Variants in ARFGEF1 observed in about 807,000 individuals in gnomAD.
ARFGEF1 encodes ARF guanine nucleotide exchange factor 1.
A neutral mutation model predicts 231.0 loss-of-function variants in ARFGEF1; 42 were observed. That is an observed-to-expected ratio of 0.18 (90% CI 0.14 to 0.24). ARFGEF1 has a LOEUF of 0.24. Among genes scored for constraint, ARFGEF1 ranks in the 10% least tolerant of loss-of-function variants. The pLI is 1.00. For synonymous variants in ARFGEF1, 710 were observed against 732.3 expected (o/e 0.97, Z 0.49); for missense variants, 1,345 against 2,192.0 (o/e 0.61, Z 7.72).
chr8:67,181,909 G>A (rs140482703), intron 5 of ARFGEF1, among the ~76,000 whole-genome samples: 1 of 152,296 alleles, frequency 6.6e-6, no homozygotes, highest in Admixed American at 6.5e-5. Flanking sequence ...CCTCATGTAA[G>A]TGGAATCATA....
At chr8:67,327,193 GTA>G (rs1230006245) in intron 1 of ARFGEF1, among the ~76,000 whole-genome samples, 1 of 152,008 alleles carries the variant, frequency 6.6e-6, no homozygotes, top group Admixed American at 6.6e-5. Context: ...ATACTTGTGT[GTA>G]TGTTTTCTTT....
chr8:67,287,145 T>G (rs1805793330), intron 7 of ARFGEF1, among the ~76,000 whole-genome samples: 1 of 152,176 alleles, frequency 6.6e-6, no homozygotes, highest in Non-Finnish European at 1.5e-5. Flanking sequence ...TTGGGAGGGA[T>G]CCCACTATTC....
intron 37 of ARFGEF1, 95 bp from the exon 38 acceptor site, chr8:67,200,608 GAACTA>G: frequency 1.3e-6 from 1 of 749,636 alleles, no homozygotes; most frequent in Non-Finnish European, 2.3e-6. Flanking sequence ...TAGTGAATAT[GAACTA>G]TTCAAGAACA....
At chr8:67,264,964 T>C (rs60490300) in intron 14 of ARFGEF1, among the ~76,000 whole-genome samples, 4,339 of 152,284 alleles carry the variant, frequency 0.028, 223 homozygotes, top group African/African-American at 0.098. Context: ...GTACCAAATA[T>C]GTGTTTACTG....
At chr8:67,292,291 G>A (rs1806042130) in intron 5 of ARFGEF1, among the ~76,000 whole-genome samples, 168 bp from the exon 6 acceptor site, 1 of 152,124 alleles carries the variant, frequency 6.6e-6, no homozygotes, top group African/African-American at 2.4e-5. Context: ...AATGAACAAT[G>A]TTTACTTCTT....
In ARFGEF1 at chr8:67,277,431, C is replaced by T. The variant is rs1805358401; in HGVS notation, c.1054G>A (p.Ala352Thr). 2 of 1,613,478 alleles carry T rather than the reference C, an allele frequency of 1.2e-6. No homozygotes were observed. The highest frequency in any genetic ancestry group is 1.7e-5 in the Admixed American group (1 of 59,994). Residue 352 changes from alanine (A) to threonine (T), a missense_variant, in exon 8 of 39, where the codon GCA (alanine) becomes ACA (threonine). Ala to Thr is a moderately conservative substitution (Grantham distance 58, BLOSUM62 0). This residue lies in a region of ARFGEF1 where 398 missense variants were observed against 463.2 expected (regional missense o/e 0.86). Transcript: ENST00000262215. ...GDMGEGTTIN[A>T]SADGNIGTIE... is the part of the protein sequence containing the mutation. ...GTTCCAATGTTGCCATCTGCACTTG[C>T]ATTTATAGTAGTCCCTTCTCCCATA...
intron 9 of ARFGEF1, 127 bp downstream of exon 9, chr8:67,275,849 C>T: frequency 8.6e-7 from 1 of 1,166,778 alleles, no homozygotes; most frequent in Non-Finnish European, 1.2e-6. Context: ...AAATACCTCC[C>T]CTCCACCCAA....
intron 14 of ARFGEF1, among the ~76,000 whole-genome samples, chr8:67,265,028 G>C (rs889992322): frequency 6.6e-6 from 1 of 152,160 alleles, no homozygotes; most frequent in African/African-American, 2.4e-5. Flanking sequence ...TAGACCAAGA[G>C]CCTCTCAGAA....
chr8:67,242,632 C>T (rs2128880061), intron 19 of ARFGEF1, among the ~76,000 whole-genome samples: 1 of 152,348 alleles, frequency 6.6e-6, no homozygotes, highest in African/African-American at 2.4e-5. Context: ...ACTCCTTCTT[C>T]TTGCAGAGGA....
chr8:67,198,412 C>T lies in ARFGEF1; in HGVS notation c.*522G>A. The T allele has an allele frequency of 1.0e-6, 1 of 985,850 alleles. No homozygotes were observed. The highest frequency in any genetic ancestry group is 1.2e-6 in the Non-Finnish European group (1 of 829,934). The allele number at this position is 985,850 out of a possible 1,614,324, so 61.1% of individuals were successfully genotyped here. The stretch of plus-strand genomic sequence containing the variant: ...CAGACCTGCATCTCTGTACATTTTT[C>T]ACAGGATGATTACCAGTATCTCAGA... On this transcript the variant is annotated 3_prime_UTR_variant, in exon 39 of 39. Transcript: ENST00000262215.
At chr8:67,274,706 T>C (rs558147180) in intron 9 of ARFGEF1, among the ~76,000 whole-genome samples, 2 of 152,240 alleles carry the variant, frequency 1.3e-5, no homozygotes, top group African/African-American at 4.8e-5. Context: ...TTTTTACATT[T>C]GATTTGGAAA....
At chr8:67,192,496 TTAA>T (rs1836645990) in intron 5 of ARFGEF1, among the ~76,000 whole-genome samples, 1 of 152,244 alleles carries the variant, frequency 6.6e-6, no homozygotes, top group African/African-American at 2.4e-5. Context: ...CTGTATCTTT[TTAA>T]CTTTCTTGAT....
intron 33 of ARFGEF1, among the ~76,000 whole-genome samples, chr8:67,215,385 A>G (rs1838891366): frequency 6.6e-6 from 1 of 152,178 alleles, no homozygotes; most frequent in Non-Finnish European, 1.5e-5. Flanking sequence ...CCATAGTGGC[A>G]TGAATATTGT....
chr8:67,271,990 T>A, intron 9 of ARFGEF1, 54 bp from the exon 10 acceptor site: 1 of 1,098,534 alleles, frequency 9.1e-7, no homozygotes, highest in Non-Finnish European at 1.3e-6. Flanking sequence ...ATTATAGTAA[T>A]AACAGGTTGT....
chr8:67,288,129 T>C (rs1389947310), intron 6 of ARFGEF1, 64 bp from the exon 7 acceptor site: 2 of 1,068,154 alleles, frequency 1.9e-6, no homozygotes, highest in Admixed American at 2.5e-5. Context: ...TTACTAAACA[T>C]TTATGATGAA....
intron 9 of ARFGEF1, 34 bp from the exon 10 acceptor site, chr8:67,271,970 C>T: frequency 7.3e-7 from 1 of 1,365,524 alleles, no homozygotes; most frequent in East Asian, 2.3e-5. Context: ...AGTATATGAA[C>T]AAGGTTGGCA....
At chr8:67,297,496 T>C (rs1806287968) in intron 4 of ARFGEF1, among the ~76,000 whole-genome samples, 1 of 152,158 alleles carries the variant, frequency 6.6e-6, no homozygotes, top group Non-Finnish European at 1.5e-5. Context: ...GGGAGGATCA[T>C]TTGAGTCAGG....
At chr8:67,266,249 G>GAA in intron 13 of ARFGEF1, 42 bp from the exon 14 acceptor site, 13 of 1,379,088 alleles carry the variant, frequency 9.4e-6, no homozygotes, top group Admixed American at 4.7e-5. Flanking sequence ...TTCTATCAAA[G>GAA]AAAAAAAAAA....
intron 34 of ARFGEF1, among the ~76,000 whole-genome samples, chr8:67,209,071 A>G (rs1447622094): frequency 2.0e-5 from 3 of 152,262 alleles, no homozygotes; most frequent in African/African-American, 7.2e-5. Flanking sequence ...CCTATGAGCT[A>G]GCAATTCCAC....
Sources: gnomAD v4.1 joint callset for allele counts (sites outside exome capture counted in the v4.1 genomes callset) on GRCh38, gnomAD v4.1.1 for gene constraint, gnomAD v4.1.1 regional missense constraint, MANE v1.5 for transcripts, NCBI Gene and HGNC (gene_info 2026-07-23, HGNC 2026-07-21) for gene names.